Variants in PROM1 observed in about 807,000 individuals in gnomAD.
PROM1 encodes the protein prominin 1, also known as prominin-1.
In PROM1, 105 loss-of-function variants were observed where a neutral mutation model predicts 116.9. The observed-to-expected ratio is 0.90, with a 90% CI of 0.77 to 1.06. The LOEUF (loss-of-function observed/expected upper bound fraction) is 1.06. Among genes scored for constraint, PROM1 ranks in the 50% least tolerant of loss-of-function variants. The pLI is 0.00. For missense variants in PROM1, 1,122 were observed against 1,045.2 expected (o/e 1.07, Z -1.01); for synonymous variants, 393 against 387.0 (o/e 1.02, Z -0.18).
chr4:16,023,246 CA>C, intron 8 of PROM1, 79 bp downstream of exon 8: 1 of 1,286,180 alleles, frequency 7.8e-7, no homozygotes, highest in South Asian at 1.3e-5. Flanking sequence ...TCTCAGGGAA[CA>C]AGAAAAGAGT....
rs1226190363 is a variant in PROM1 at position 16,069,522 on chromosome 4, GA to G, written c.220+6164del. Among the ~76,000 whole-genome samples the G allele has an allele frequency of 2.6e-5, 4 of 152,184 alleles. No individual in the cohort carries two copies. In the East Asian group the frequency reaches 7.7e-4, roughly 29 times the overall value. On this transcript the variant is annotated intron_variant, in intron 2 of 27. Coordinates refer to ENST00000447510, the MANE Select transcript of PROM1 (RefSeq NM_006017.3). Reference sequence around the variant, plus strand: ...TTAAAAGCATCATAGTAAAATAAAAGAAAAATACACACAAGGCAGCTGTGTT... The same window carrying G: ...TTAAAAGCATCATAGTAAAATAAAAGAAAATACACACAAGGCAGCTGTGTT...
chr4:15,996,293 T>G (rs546977111), intron 15 of PROM1, among the ~76,000 whole-genome samples: 8 of 152,184 alleles, frequency 5.3e-5, no homozygotes, highest in Admixed American at 1.3e-4. Context: ...GTGGATCACC[T>G]GAGGTCAAGA....
At chr4:15,980,159 A>G in intron 24 of PROM1, 1 of 600,630 alleles carries the variant, frequency 1.7e-6, no homozygotes, top group Non-Finnish European at 2.9e-6. Flanking sequence ...TCCCCGAGAG[A>G]GAGGAACTGC....
Position 16,073,138 on chromosome 4 carries a change from C to T in PROM1, c.220+2549G>A, listed in dbSNP as rs528414291. Among the ~76,000 whole-genome samples, 20 of 152,244 alleles carry T rather than the reference C, an allele frequency of 1.3e-4. No individual in the cohort carries two copies. In the East Asian group the frequency reaches 3.1e-3, roughly 24 times the overall value. On this transcript the variant is annotated intron_variant, in intron 2 of 27. Transcript: ENST00000447510. Reference sequence around the variant, plus strand: ...CTGCAATTCCTCTAAATTGATATATCGGCTGTATCTGGCCAGCAGGCACGA... The same window carrying T: ...CTGCAATTCCTCTAAATTGATATATTGGCTGTATCTGGCCAGCAGGCACGA...
At chr4:15,993,796 G>A (rs1033021986) in intron 16 of PROM1, among the ~76,000 whole-genome samples, 191 bp downstream of exon 16, 7 of 152,156 alleles carry the variant, frequency 4.6e-5, no homozygotes, top group African/African-American at 7.2e-5. Context: ...ACAACTGGTC[G>A]GGCAGTGAGA....
chr4:15,986,671 G>A (rs965777804), intron 20 of PROM1, among the ~76,000 whole-genome samples: 5 of 152,310 alleles, frequency 3.3e-5, no homozygotes, highest in South Asian at 4.1e-4. Flanking sequence ...GCACCTGCAC[G>A]TAGTCACTGG....
At chr4:16,002,136 G>T (rs1435072052) in intron 13 of PROM1, among the ~76,000 whole-genome samples, 1 of 152,096 alleles carries the variant, frequency 6.6e-6, no homozygotes, top group African/African-American at 2.4e-5. Context: ...CATCTGCTGA[G>T]AGAGGGGTGA....
intron 4 of PROM1, among the ~76,000 whole-genome samples, chr4:16,034,025 C>T (rs1733413848): frequency 6.6e-6 from 1 of 151,862 alleles, no homozygotes; most frequent in African/African-American, 2.4e-5. Flanking sequence ...GTCTTTCAAC[C>T]CCTAGGAAGA....
At chr4:16,025,167 G>T (rs193262311) in intron 6 of PROM1, 25 bp downstream of exon 6, 2 of 1,608,090 alleles carry the variant, frequency 1.2e-6, no homozygotes, top group East Asian at 4.5e-5. Flanking sequence ...AAAGCATCGC[G>T]GTACATAGAG....
intron 2 of PROM1, among the ~76,000 whole-genome samples, chr4:16,048,122 G>C (rs1736958783): frequency 6.6e-6 from 1 of 152,132 alleles, no homozygotes; most frequent in Non-Finnish European, 1.5e-5. Context: ...GGTTAAATGT[G>C]TTCATTATTT....
At chr4:16,078,163 A>C (rs1279586371) in intron 1 of PROM1, 1 of 152,340 alleles carries the variant, frequency 6.6e-6, no homozygotes, top group Non-Finnish European at 1.5e-5. Context: ...GCATCTGGGA[A>C]GGGAATGGGA....
rs551620916 is a variant in PROM1 at position 16,048,047 on chromosome 4, G to A, written c.221-9046C>T. Among the ~76,000 whole-genome samples the A allele has an allele frequency of 4.0e-4, 61 of 152,302 alleles. 1 individual carries two copies. The highest frequency in any genetic ancestry group is 1.4e-3 in the African/African-American group (57 of 41,564). On this transcript the variant is annotated intron_variant, in intron 2 of 27. Transcript: ENST00000447510. ...CTAGAGCCAAAGAAGTTTGTCACTT[G>A]AAGGGTTAAGTGTGGCTTCTCTGAA...
intron 15 of PROM1, among the ~76,000 whole-genome samples, chr4:15,997,114 A>T (rs1310809207): frequency 6.6e-6 from 1 of 151,772 alleles, no homozygotes; most frequent in East Asian, 2.0e-4. Flanking sequence ...TTCACACCTA[A>T]GATCAGACAC....
rs1225515882 is a variant in PROM1, at chr4:16,035,760, G to A, written c.278C>T (p.Pro93Leu). 1 of 1,613,454 alleles carries A rather than the reference G, an allele frequency of 6.2e-7. No homozygotes were observed. Among genetic ancestry groups the A allele is most frequent in the African/African-American group, 1.3e-5 (1 of 75,046 alleles). Residue 93 changes from proline to leucine, a missense_variant and splice_region_variant, in exon 4 of 28, where the codon CCA becomes CTA. Transcript: ENST00000447510. ...CTTTAGACCTAAGATTACAGTTTCT[G>A]GCTGTAGAAGTCAACGCAGGTGAGG... The part of the protein sequence containing the change: ...AYESKIDYDK[P>L]ETVILGLKIV...
intron 10 of PROM1, among the ~76,000 whole-genome samples, chr4:16,015,407 C>CGG (rs1299352834): frequency 2.2e-5 from 3 of 138,618 alleles, no homozygotes; most frequent in African/African-American, 8.1e-5. Context: ...AACTAAGTAG[C>CGG]GGCTGGGTGT....
chr4:16,079,531 T>C (rs912122878), intron 1 of PROM1: 1 of 152,156 alleles, frequency 6.6e-6, no homozygotes, highest in Non-Finnish European at 1.5e-5. Context: ...TTTAATAGGT[T>C]GTGCCAAAAA....
chr4:16,004,914 C>CTCTCT (rs1382764717), intron 13 of PROM1, among the ~76,000 whole-genome samples: 1 of 108,586 alleles, frequency 9.2e-6, no homozygotes, highest in Non-Finnish European at 2.0e-5. Flanking sequence ...TCCCTTCCTT[C>CTCTCT]CTTCCTTCCT....
intron 8 of PROM1, among the ~76,000 whole-genome samples, chr4:16,020,717 CAGGAAATGTGTATTA>C (rs1216079333): frequency 1.3e-5 from 2 of 152,124 alleles, no homozygotes; most frequent in Non-Finnish European, 2.9e-5. Context: ...ATGCATGGCC[CAGGAAATGTGTATTA>C]AGCACTGTTC....
chr4:16,076,977 C>T (rs531942429), intron 1 of PROM1, among the ~76,000 whole-genome samples: 30 of 152,356 alleles, frequency 2.0e-4, no homozygotes, highest in African/African-American at 7.0e-4. Context: ...GCAGGGACCT[C>T]TGCCTAGGAA....
Sources: gnomAD v4.1 joint callset for allele counts (sites outside exome capture counted in the v4.1 genomes callset) on GRCh38, gnomAD v4.1.1 for gene constraint, MANE v1.5 for transcripts, NCBI Gene and HGNC (gene_info 2026-07-23, HGNC 2026-07-21) for gene names.